ATP5MG: variants seen among roughly 807,000 people sequenced by gnomAD.
The protein encoded by ATP5MG is ATP synthase membrane subunit g, also known as ATP synthase F(0) complex subunit g, mitochondrial.
In ATP5MG, 7 loss-of-function variants were observed where a neutral mutation model predicts 12.7. The observed-to-expected ratio is 0.55, with a 90% CI of 0.31 to 1.04. The LOEUF is 1.04. Ranked by LOEUF, ATP5MG falls within the 50% of genes least tolerant of loss-of-function variation. ATP5MG has a pLI of 0.05. For synonymous variants in ATP5MG, 53 were observed against 48.2 expected (o/e 1.10, Z -0.41); for missense variants, 116 against 126.7 (o/e 0.92, Z 0.41).
chr11:118,402,037 ATCTAGAGGGGATGGT>A (rs1948932220), intron 1 of ATP5MG: 2 of 360,252 alleles, frequency 5.6e-6, no homozygotes, highest in Admixed American at 4.4e-5. Context: ...AAGAGCAGGG[ATCTAGAGGGGATGGT>A]TCTGTTAGGA....
rs1948998476 is a variant in ATP5MG, at chr11:118,409,351, T to A, written c.*253T>A. ...AATATTAACCTGGTACATGAATATA[T>A]GGGGATAACATTTTAATTTGAAGGT... On this transcript the variant is annotated 3_prime_UTR_variant, in exon 3 of 3. Transcript: ENST00000300688. 5.0e-6 allele frequency: 1 copy of A among 201,656 alleles called. No individual in the cohort carries two copies. The highest frequency in any genetic ancestry group is 1.0e-5 in the Non-Finnish European group (1 of 100,058). The allele number at this position is 201,656 out of a possible 1,614,324, so 12.5% of individuals were successfully genotyped here.
chr11:118,405,485 A>G (rs1274459902), intron 1 of ATP5MG, among the ~76,000 whole-genome samples: 1 of 152,178 alleles, frequency 6.6e-6, no homozygotes. Context: ...AGCAGTTTCA[A>G]ACTCTAACCT....
Position 118,409,070 on chromosome 11 carries a change from AG to A in ATP5MG, c.285del (p.Lys95AsnfsTer20). 4 of 1,607,632 alleles carry A rather than the reference AG, an allele frequency of 2.5e-6. No individual in the cohort carries two copies. Among genetic ancestry groups the A allele is most frequent in the Non-Finnish European group, 3.4e-6 (4 of 1,176,752 alleles). ...TTTTATGTCGGAGAGATTATAGGCA[AG>A]CGGGGCATCATTGGCTATGATGTTT... is the stretch of plus-strand genomic sequence containing the variant. ...MWFYVGEIIG[K>X]RGIIGYDV is the part of the protein sequence containing the mutation. On this transcript the variant is annotated frameshift_variant, in exon 3 of 3. Transcript: ENST00000300688. LOFTEE classifies it high-confidence loss of function.
At chr11:118,405,739 G>T in intron 1 of ATP5MG, 1 of 980,956 alleles carries the variant, frequency 1.0e-6, no homozygotes, top group Non-Finnish European at 1.2e-6. Context: ...CACAGAAGAT[G>T]AGGGAGATAG....
intron 2 of ATP5MG, among the ~76,000 whole-genome samples, chr11:118,408,031 G>A (rs376836195): frequency 2.0e-5 from 3 of 151,552 alleles, no homozygotes; most frequent in East Asian, 1.9e-4. Context: ...GCGTGGTGGC[G>A]GAAGCCTGTA....
chr11:118,406,937 C>T lies in ATP5MG; in HGVS notation c.53C>T (p.Ala18Val). Residue 18 changes from alanine (A) to valine (V), a missense_variant and splice_region_variant, in exon 2 of 3, where the codon GCT becomes GTT. Coordinates refer to ENST00000300688, the MANE Select transcript of ATP5MG (RefSeq NM_006476.5). ...TGTTTTGTTTTGTTTTGTTTTCCAG[C>T]TGCTGTGACTTACTCGAAGCCTCGA... ...LVEKTPALVNAAVTYSKPRLA... is the reference protein window; with the variant it reads ...LVEKTPALVNVAVTYSKPRLA... The T allele has an allele frequency of 6.3e-7, 1 of 1,599,798 alleles. No homozygotes were observed. The highest frequency in any genetic ancestry group is 1.1e-5 in the South Asian group (1 of 88,862).
At chr11:118,405,587 T>G in intron 1 of ATP5MG, 1 of 850,634 alleles carries the variant, frequency 1.2e-6, no homozygotes. Flanking sequence ...TGTCTGTGTG[T>G]TGGAGATAAT....
Position 118,401,705 on chromosome 11 carries a change from G to A in ATP5MG, c.40G>A (p.Ala14Thr), listed in dbSNP as rs1271615168. ...FVRNLVEKTP[A>T]LVNAAVTYSK... ...CCGTAACCTTGTGGAGAAGACCCCG[G>A]CGCTGGTGAACGGTGAGCGCGATGT... Residue 14 changes from alanine to threonine, a missense_variant, in exon 1 of 3, where the codon GCG becomes ACG. Physicochemically the swap from Ala to Thr is moderately conservative, Grantham distance 58. Coordinates refer to ENST00000300688, the MANE Select transcript of ATP5MG (RefSeq NM_006476.5). 3 of 1,613,446 alleles carry A rather than the reference G, an allele frequency of 1.9e-6. No homozygotes were observed. Among genetic ancestry groups the A allele is most frequent in the East Asian group, 4.5e-5 (2 of 44,848 alleles).
intron 1 of ATP5MG, among the ~76,000 whole-genome samples, chr11:118,402,714 TC>T (rs1176171821): frequency 4.7e-5 from 7 of 149,954 alleles, no homozygotes; most frequent in African/African-American, 1.7e-4. Context: ...TTTTTTTTTT[TC>T]CTAGAAGACA....
At chr11:118,408,170 G>C (rs1158545836) in intron 2 of ATP5MG, among the ~76,000 whole-genome samples, 1 of 151,650 alleles carries the variant, frequency 6.6e-6, no homozygotes, top group Non-Finnish European at 1.5e-5. Context: ...TCAAAAAAAA[G>C]AAAAAGGAAA....
chr11:118,405,578 G>A (rs1217621816), intron 1 of ATP5MG: 9 of 794,214 alleles, frequency 1.1e-5, no homozygotes, highest in African/African-American at 1.9e-5. Context: ...AGGATGAAAT[G>A]TCTGTGTGTT....
At chr11:118,406,123 A>G (rs1406454426) in intron 1 of ATP5MG, 2 of 152,234 alleles carry the variant, frequency 1.3e-5, no homozygotes, top group African/African-American at 2.4e-5. Flanking sequence ...TCAGCCTCCC[A>G]AAGTGCTGGG....
Position 118,406,883 on chromosome 11 carries a change from C to T in ATP5MG, c.53-54C>T, listed in dbSNP as rs78889201. 2,968 of 1,543,380 alleles carry T rather than the reference C, an allele frequency of 1.9e-3. 50 individuals carry two copies. In the African/African-American group the frequency reaches 0.037, roughly 19 times the overall value. On this transcript the variant is annotated intron_variant, in intron 1 of 2. Coordinates refer to ENST00000300688, the MANE Select transcript of ATP5MG (RefSeq NM_006476.5). ...GTCCAGCCCACACATCTGCTTCTTT[C>T]GGTCTCTAGTGAGTTCATCCTGGTT...
intron 1 of ATP5MG, among the ~76,000 whole-genome samples, chr11:118,404,358 C>T (rs1274005891): frequency 1.3e-5 from 2 of 152,128 alleles, no homozygotes; most frequent in African/African-American, 4.8e-5. Context: ...GGGATCCAAT[C>T]CAGTGTACCA....
At chr11:118,403,724 C>A (rs1467126814) in intron 1 of ATP5MG, among the ~76,000 whole-genome samples, 2 of 144,712 alleles carry the variant, frequency 1.4e-5, no homozygotes, top group African/African-American at 2.6e-5. Flanking sequence ...ACCCAGGAGG[C>A]GGAGGTTGCA....
chr11:118,407,003 C>G lies in ATP5MG; in HGVS notation c.119C>G (p.Pro40Arg). Residue 40 changes from proline to arginine, a missense_variant, in exon 2 of 3, where the codon CCT becomes CGT. Coordinates refer to ENST00000300688, the MANE Select transcript of ATP5MG (RefSeq NM_006476.5). The stretch of plus-strand genomic sequence containing the variant: ...TACTACGCCAAGGTTGAGCTGGTTC[C>G]TCCCACCCCTGCTGAGATCCCTAGA... The part of the protein sequence containing the change: ...FWYYAKVELV[P>R]PTPAEIPRAI... The G allele has an allele frequency of 1.2e-6, 2 of 1,614,034 alleles. No individual in the cohort carries two copies. The highest frequency in any genetic ancestry group is 3.3e-4 in the Middle Eastern group (2 of 6,062).
chr11:118,401,938 G>A (rs1948931031), intron 1 of ATP5MG: 1 of 542,542 alleles, frequency 1.8e-6, no homozygotes, highest in Admixed American at 3.5e-5. Flanking sequence ...AGAAGTTCCT[G>A]AATTCTAACC....
chr11:118,402,822 C>T (rs1948940497), intron 1 of ATP5MG, among the ~76,000 whole-genome samples: 1 of 151,792 alleles, frequency 6.6e-6, no homozygotes, highest in African/African-American at 2.4e-5. Flanking sequence ...ACCTCAGCCT[C>T]CTGAGTAGCT....
chr11:118,406,948 TACTC>T lies in ATP5MG; in HGVS notation c.65_68del (p.Tyr22Ter). 1.2e-6 allele frequency: 2 copies of T among 1,607,972 alleles called. No homozygotes were observed. Among genetic ancestry groups the T allele is most frequent in the South Asian group, 2.2e-5 (2 of 89,950 alleles). On this transcript the variant is annotated frameshift_variant, in exon 2 of 3. Coordinates refer to ENST00000300688, the MANE Select transcript of ATP5MG (RefSeq NM_006476.5). LOFTEE classifies it high-confidence loss of function. ...GTTTTGTTTTCCAGCTGCTGTGACT[TACTC>T]GAAGCCTCGATTGGCCACATTTTGG...
Sources: gnomAD v4.1 joint callset for allele counts (sites outside exome capture counted in the v4.1 genomes callset) on GRCh38, gnomAD v4.1.1 for gene constraint, MANE v1.5 for transcripts, NCBI Gene and HGNC (gene_info 2026-07-23, HGNC 2026-07-21) for gene names.